Variants in CDK3 observed in about 807,000 individuals in gnomAD.
The protein encoded by CDK3 is cyclin dependent kinase 3, also known as cyclin-dependent kinase 3.
A neutral mutation model predicts 30.2 loss-of-function variants in CDK3; 24 were observed. That is an observed-to-expected ratio of 0.79 (90% CI 0.57 to 1.12). The LOEUF (loss-of-function observed/expected upper bound fraction) is 1.12, where lower values mean the gene tolerates loss of function less well. Among genes scored for constraint, CDK3 ranks in the 50% most tolerant of loss-of-function variants. The pLI is 0.00. For missense variants in CDK3, 345 were observed against 376.0 expected (o/e 0.92, Z 0.68); for synonymous variants, 158 against 154.2 (o/e 1.02, Z -0.18).
intron 7 of CDK3, chr17:76,004,444 C>A (rs1235760737): frequency 6.6e-6 from 1 of 152,146 alleles, no homozygotes; most frequent in Non-Finnish European, 1.5e-5. Flanking sequence ...TGGTCTCGAA[C>A]TCCTGGGCTC....
At position 76,001,150 on chromosome 17, in the gene CDK3, G is replaced by C; in HGVS notation, c.-15+183G>C. 7.7e-7 allele frequency: 1 copy of C among 1,300,976 alleles called. No homozygotes were observed. The highest frequency in any genetic ancestry group is 9.8e-7 in the Non-Finnish European group (1 of 1,015,436). 80.6% of individuals were successfully genotyped at this position (1,300,976 alleles called of 1,614,324 possible). A position where few individuals can be genotyped will look rare whatever the true frequency, so the allele number is the denominator to read the frequency against. ...GAGGCCGGGCATGGGCGAGAAGCCT[G>C]GGGGTCCTGGCTGAACTGGGCTGGG... is the stretch of plus-strand genomic sequence containing the variant. On this transcript the variant is annotated intron_variant, in intron 1 of 7. Transcript: ENST00000448471. This position sits in a 1 kb window ranked among gnomAD's most constrained non-coding sequence, Gnocchi z 6.2.
rs557356270 is a variant in CDK3, at chr17:76,005,402, G to A, written c.897G>A (p.Val299=). Residue 299 remains valine, a synonymous_variant, in exon 8 of 8, where the codon GTG becomes GTA. Transcript: ENST00000448471. This position sits in a 1 kb window ranked among gnomAD's most constrained non-coding sequence, Gnocchi z 4.7. The part of the protein sequence containing the change: ...PEPSPAARQY[V]LQRFRH ...CCTCCCCAGCTGCCCGCCAGTATGTGCTGCAGCGATTCCGCCATTGAGAAT... is the reference window on the plus strand; with the variant it reads ...CCTCCCCAGCTGCCCGCCAGTATGTACTGCAGCGATTCCGCCATTGAGAAT... The A allele has an allele frequency of 3.1e-6, 5 of 1,613,794 alleles. No homozygotes were observed. The East Asian group carries it at 6.7e-5, about 22-fold the overall frequency.
Position 76,001,270 on chromosome 17 carries a change from G to A in CDK3, c.-14-142G>A. ...CAGGTTCCCAGGCAGGATGAGCTGG[G>A]GTTGGGGTGGCTAGGCCGTGGGCCT... On this transcript the variant is annotated intron_variant, in intron 1 of 7. Coordinates refer to ENST00000448471, the MANE Select transcript of CDK3 (RefSeq NM_001258.4). This position sits in a 1 kb window ranked among gnomAD's most constrained non-coding sequence, Gnocchi z 6.2. 6.6e-7 allele frequency: 1 copy of A among 1,505,704 alleles called. No individual in the cohort carries two copies. 93.3% of individuals were successfully genotyped at this position (1,505,704 alleles called of 1,614,324 possible).
At chr17:76,003,049 T>C (rs2066276020) in intron 6 of CDK3, 146 bp from the exon 7 acceptor site, 1 of 707,144 alleles carries the variant, frequency 1.4e-6, no homozygotes, top group Non-Finnish European at 2.5e-6. Flanking sequence ...GGAAGGTAGC[T>C]TTATTCCAAA....
At chr17:76,003,494 A>G (rs2066280546) in intron 7 of CDK3, 96 bp downstream of exon 7, 3 of 984,842 alleles carry the variant, frequency 3.0e-6, no homozygotes, top group Non-Finnish European at 4.6e-6. Context: ...GTCCAAGGCC[A>G]GGGTCTCTTT....
In CDK3 at chr17:76,001,105, G is replaced by A. The variant is rs1014825510; in HGVS notation, c.-15+138G>A. 41 of 1,210,460 alleles carry A rather than the reference G, an allele frequency of 3.4e-5. No individual in the cohort carries two copies. Among genetic ancestry groups the A allele is most frequent in the Non-Finnish European group, 4.2e-5 (40 of 960,346 alleles). The allele number at this position is 1,210,460 out of a possible 1,614,324, so 75.0% of individuals were successfully genotyped here. On this transcript the variant is annotated intron_variant, in intron 1 of 7. Transcript: ENST00000448471. The surrounding 1 kb of genome is among the most constrained non-coding windows in gnomAD (Gnocchi z 6.2). ...GGGATGGGCAGGGGGCTGGGTGGGA[G>A]AGTGTGGGCCCTGCCCTCCGAGGCC...
Position 76,003,369 on chromosome 17 carries a change from C to A in CDK3, c.763C>A (p.Leu255Met). The A allele has an allele frequency of 6.2e-7, 1 of 1,613,858 alleles. No individual in the cohort carries two copies. Among genetic ancestry groups the A allele is most frequent in the Non-Finnish European group, 8.5e-7 (1 of 1,180,020 alleles). ...RKGLEEIVPN[L>M]EPEGRDLLMQ... The stretch of plus-strand genomic sequence containing the variant: ...GGGACTGGAAGAGATTGTGCCCAAT[C>A]TGGAGCCAGAGGGCAGGGACCTGCT... The change falls in exon 7 of 8, where the codon CTG becomes ATG. Residue 255 changes from leucine to methionine, a missense_variant. Leu to Met is a conservative substitution (Grantham distance 15, BLOSUM62 2). Coordinates refer to ENST00000448471, the MANE Select transcript of CDK3 (RefSeq NM_001258.4).
rs1252565959 is a variant in CDK3 at position 76,002,357 on chromosome 17, A to G, written c.425A>G (p.Lys142Arg). 8 of 1,612,726 alleles carry G rather than the reference A, an allele frequency of 5.0e-6. No individual in the cohort carries two copies. Among genetic ancestry groups the G allele is most frequent in the Non-Finnish European group, 6.8e-6 (8 of 1,179,980 alleles). ...NLLINELGAI[K>R]LADFGLARAF... ...CTCATCAATGAGTTGGGTGCCATCA[A>G]GCTGGCTGACTTCGGCCTGGCTCGC... Residue 142 changes from lysine (K) to arginine (R), a missense_variant, in exon 5 of 8, where the codon AAG (lysine) becomes AGG (arginine). Physicochemically the swap from Lys to Arg is conservative, Grantham distance 26. Transcript: ENST00000448471. This position sits in a 1 kb window ranked among gnomAD's most constrained non-coding sequence, Gnocchi z 4.3.
rs775210941 is a variant in CDK3, at chr17:76,002,511, G to A, written c.487G>A (p.Val163Met). 1.4e-6 allele frequency: 2 copies of A among 1,439,878 alleles called. No homozygotes were observed. The highest frequency in any genetic ancestry group is 2.0e-6 in the Non-Finnish European group (2 of 1,020,822). The allele number at this position is 1,439,878 out of a possible 1,614,324, so 89.2% of individuals were successfully genotyped here. The part of the protein sequence containing the change: ...GVPLRTYTHE[V>M]VTLWYRAPEI... ...GTGATACTGTTTCTTTGCCCTGCAG[G>A]TGGTGACACTGTGGTATCGCGCCCC... The change falls in exon 6 of 8, where the codon GTG (valine) becomes ATG (methionine). Residue 163 changes from valine to methionine, a missense_variant and splice_region_variant. Transcript: ENST00000448471. This position sits in a 1 kb window ranked among gnomAD's most constrained non-coding sequence, Gnocchi z 4.3.
Position 76,002,415 on chromosome 17 carries a change from T to C in CDK3, c.483T>C (p.His161=), listed in dbSNP as rs1288050052. ...AFGVPLRTYT[H]EVVTLWYRAP... ...GGGTGCCCCTGCGCACCTACACCCA[T>C]GAGGTATTGTGAGACAAAGAGGAGA... Residue 161 remains histidine, a synonymous_variant, in exon 5 of 8, where the codon CAT becomes CAC. Transcript: ENST00000448471. The surrounding 1 kb of genome is among the most constrained non-coding windows in gnomAD (Gnocchi z 4.3). 1.4e-5 allele frequency: 22 copies of C among 1,611,742 alleles called. No individual in the cohort carries two copies. Among genetic ancestry groups the C allele is most frequent in the Non-Finnish European group, 1.8e-5 (21 of 1,179,794 alleles).
chr17:76,005,258 G>A lies in CDK3; in HGVS notation c.793-40G>A. 6.2e-7 allele frequency: 1 copy of A among 1,602,846 alleles called. No individual in the cohort carries two copies. The highest frequency in any genetic ancestry group is 8.5e-7 in the Non-Finnish European group (1 of 1,172,724). On this transcript the variant is annotated intron_variant, in intron 7 of 7. Coordinates refer to ENST00000448471, the MANE Select transcript of CDK3 (RefSeq NM_001258.4). The surrounding 1 kb of genome is among the most constrained non-coding windows in gnomAD (Gnocchi z 4.7). ...GAGGGGAATTTCTCACCCCACCCTGGCTGCACCCAGACCACATCTTCTTCC... is the reference window on the plus strand; with the variant it reads ...GAGGGGAATTTCTCACCCCACCCTGACTGCACCCAGACCACATCTTCTTCC...
At position 76,005,481 on chromosome 17, in the gene CDK3, T is replaced by A. The variant is rs948673291; in HGVS notation, c.*58T>A. The A allele has an allele frequency of 6.4e-7, 1 of 1,573,654 alleles. No individual in the cohort carries two copies. The highest frequency in any genetic ancestry group is 8.7e-7 in the Non-Finnish European group (1 of 1,154,890). ...AGCAGCTGCTGCCCCAGCTGCCTCC[T>A]ACCCATTGCCAAGAGAGGATGCATC... On this transcript the variant is annotated 3_prime_UTR_variant, in exon 8 of 8. Coordinates refer to ENST00000448471, the MANE Select transcript of CDK3 (RefSeq NM_001258.4). The surrounding 1 kb of genome is among the most constrained non-coding windows in gnomAD (Gnocchi z 4.7).
Position 76,002,063 on chromosome 17 carries a change from T to C in CDK3, c.236T>C (p.Val79Ala), listed in dbSNP as rs1732584590. The C allele has an allele frequency of 6.2e-7, 1 of 1,613,484 alleles. No homozygotes were observed. The highest frequency in any genetic ancestry group is 8.5e-7 in the Non-Finnish European group (1 of 1,179,876). ...CACAACGAGAGGAAGCTCTATCTGG[T>C]GTTTGAGTTCCTCAGCCAGGACCTG... ...VVHNERKLYLVFEFLSQDLKK... is the reference protein window; with the variant it reads ...VVHNERKLYLAFEFLSQDLKK... Residue 79 changes from valine to alanine, a missense_variant, in exon 4 of 8, where the codon GTG (valine) becomes GCG (alanine). Transcript: ENST00000448471. This position sits in a 1 kb window ranked among gnomAD's most constrained non-coding sequence, Gnocchi z 4.3.
Position 76,002,524 on chromosome 17 carries a change from G to A in CDK3, c.500G>A (p.Trp167Ter), listed in dbSNP as rs540948291. 2 of 1,287,524 alleles carry A rather than the reference G, an allele frequency of 1.6e-6. No individual in the cohort carries two copies. The highest frequency in any genetic ancestry group is 1.5e-5 in the African/African-American group (1 of 68,604). The allele number at this position is 1,287,524 out of a possible 1,614,324, so 79.8% of individuals were successfully genotyped here. ...RTYTHEVVTL[W>*]YRAPEILLGS... ...TTTGCCCTGCAGGTGGTGACACTGT[G>A]GTATCGCGCCCCCGAGATTCTCTTG... The change falls in exon 6 of 8, where the codon TGG (tryptophan) becomes TAG (stop). Residue 167 changes from tryptophan (W) to a stop codon, truncating the protein, a stop_gained. Transcript: ENST00000448471. LOFTEE classifies it high-confidence loss of function. The surrounding 1 kb of genome is among the most constrained non-coding windows in gnomAD (Gnocchi z 4.3).
At position 76,002,346 on chromosome 17, in the gene CDK3, G is replaced by T. The variant is rs1380968438; in HGVS notation, c.414G>T (p.Leu138Phe). The change falls in exon 5 of 8, where the codon TTG (leucine) becomes TTT (phenylalanine). Residue 138 changes from leucine to phenylalanine, a missense_variant. By Grantham distance (22) the Leu-to-Phe change is conservative. Transcript: ENST00000448471. The surrounding 1 kb of genome is among the most constrained non-coding windows in gnomAD (Gnocchi z 4.3). ...LKPQNLLINE[L>F]GAIKLADFGL... ...CCCAGAACCTGCTCATCAATGAGTT[G>T]GGTGCCATCAAGCTGGCTGACTTCG... 6.2e-7 allele frequency: 1 copy of T among 1,612,938 alleles called. No homozygotes were observed. Among genetic ancestry groups the T allele is most frequent in the Non-Finnish European group, 8.5e-7 (1 of 1,179,990 alleles).
rs2066254520 is a variant in CDK3, at chr17:76,001,125, G to A, written c.-15+158G>A. ...TGGGAGAGTGTGGGCCCTGCCCTCC[G>A]AGGCCGGGCATGGGCGAGAAGCCTG... On this transcript the variant is annotated intron_variant, in intron 1 of 7. Coordinates refer to ENST00000448471, the MANE Select transcript of CDK3 (RefSeq NM_001258.4). This position sits in a 1 kb window ranked among gnomAD's most constrained non-coding sequence, Gnocchi z 6.2. 17 of 1,248,372 alleles carry A rather than the reference G, an allele frequency of 1.4e-5. No individual in the cohort carries two copies. Among genetic ancestry groups the A allele is most frequent in the Middle Eastern group, 3.4e-4 (1 of 2,972 alleles). 77.3% of individuals were successfully genotyped at this position (1,248,372 alleles called of 1,614,324 possible).
rs778855997 is a variant in CDK3 at position 76,005,283 on chromosome 17, C to T, written c.793-15C>T. On this transcript the variant is annotated splice_polypyrimidine_tract_variant and intron_variant, in intron 7 of 7. Transcript: ENST00000448471. The surrounding 1 kb of genome is among the most constrained non-coding windows in gnomAD (Gnocchi z 4.7). ...GCTGCACCCAGACCACATCTTCTTC[C>T]TTCTTTCTTCCTAGCAACTCCTGCA... 5.0e-6 allele frequency: 8 copies of T among 1,612,864 alleles called. No homozygotes were observed. In the South Asian group the frequency reaches 6.6e-5, roughly 13 times the overall value.
At position 76,005,200 on chromosome 17, in the gene CDK3, A is replaced by T. The variant is rs948705782; in HGVS notation, c.793-98A>T. 2 of 1,490,558 alleles carry T rather than the reference A, an allele frequency of 1.3e-6. No homozygotes were observed. Among genetic ancestry groups the T allele is most frequent in the Admixed American group, 2.1e-5 (1 of 47,870 alleles). The allele number at this position is 1,490,558 out of a possible 1,614,324, so 92.3% of individuals were successfully genotyped here. A position where few individuals can be genotyped will look rare whatever the true frequency, so the allele number is the denominator to read the frequency against. Reference sequence around the variant, plus strand: ...GCGGTTCTGGGTTTGAGGGCAGCCAATTTGGGGCCCAGGCCCTTGATCTGG... The same window carrying T: ...GCGGTTCTGGGTTTGAGGGCAGCCATTTTGGGGCCCAGGCCCTTGATCTGG... On this transcript the variant is annotated intron_variant, in intron 7 of 7. Coordinates refer to ENST00000448471, the MANE Select transcript of CDK3 (RefSeq NM_001258.4). This position sits in a 1 kb window ranked among gnomAD's most constrained non-coding sequence, Gnocchi z 4.7.
In CDK3 at chr17:76,005,354, C is replaced by T; in HGVS notation, c.849C>T (p.His283=). 6.2e-7 allele frequency: 1 copy of T among 1,614,114 alleles called. No individual in the cohort carries two copies. Among genetic ancestry groups the T allele is most frequent in the Non-Finnish European group, 8.5e-7 (1 of 1,180,000 alleles). Residue 283 remains histidine (H), a synonymous_variant, in exon 8 of 8, where the codon CAC becomes CAT. Transcript: ENST00000448471. This position sits in a 1 kb window ranked among gnomAD's most constrained non-coding sequence, Gnocchi z 4.7. ...QRITAKTALA[H]PYFSSPEPSP... The stretch of plus-strand genomic sequence containing the variant: ...TCACAGCCAAGACTGCCCTGGCCCA[C>T]CCGTACTTCTCATCCCCTGAGCCCT...
Sources: allele counts gnomAD v4.1 joint callset, GRCh38; gene constraint gnomAD v4.1.1; non-coding constraint Gnocchi (gnomAD v3.1); transcripts MANE v1.5; gene names NCBI Gene and HGNC (gene_info 2026-07-23, HGNC 2026-07-21).